PSMD6: variants seen among roughly 807,000 people sequenced by gnomAD.
PSMD6 encodes the protein proteasome 26S subunit, non-ATPase 6.
Under a neutral mutation model 44.9 loss-of-function variants are expected in PSMD6, and 7 were observed. The observed-to-expected ratio is 0.16, with a 90% CI of 0.09 to 0.29. The LOEUF (loss-of-function observed/expected upper bound fraction) is 0.29. Ranked by LOEUF, PSMD6 falls within the 10% of genes least tolerant of loss-of-function variation. PSMD6 has a pLI of 1.00. For missense variants in PSMD6, 420 were observed against 482.6 expected (o/e 0.87, Z 1.21); for synonymous variants, 184 against 172.7 (o/e 1.07, Z -0.51).
At position 64,023,392 on chromosome 3, in the gene PSMD6, C is replaced by T; in HGVS notation, c.28G>A (p.Gly10Ser). The change falls in exon 1 of 8, where the codon GGT becomes AGT. Residue 10 changes from glycine (G) to serine (S), a missense_variant. Coordinates refer to ENST00000295901, the MANE Select transcript of PSMD6 (RefSeq NM_014814.3). Reference sequence around the variant, plus strand: ...CGCAAGTCGGGGTTCTTGGGCAGACCCTCCTCCTCCAGGTTCTCCAGCGGC... The same window carrying T: ...CGCAAGTCGGGGTTCTTGGGCAGACTCTCCTCCTCCAGGTTCTCCAGCGGC... MPLENLEEE[G>S]LPKNPDLRIA... The T allele has an allele frequency of 6.2e-7, 1 of 1,608,148 alleles. No homozygotes were observed. The highest frequency in any genetic ancestry group is 8.5e-7 in the Non-Finnish European group (1 of 1,176,338).
At chr3:64,019,641 G>A in intron 2 of PSMD6, 200 bp from the exon 3 acceptor site, 1 of 480,926 alleles carries the variant, frequency 2.1e-6, no homozygotes, top group Non-Finnish European at 3.5e-6. Flanking sequence ...CCTGTATAAA[G>A]TTTAAAAAAT....
intron 6 of PSMD6, chr3:64,011,285 C>G (rs2075942274): frequency 5.3e-6 from 1 of 188,688 alleles, no homozygotes; most frequent in Admixed American, 6.0e-5. Flanking sequence ...AAACAAAAGA[C>G]CTAAAACAAA....
intron 6 of PSMD6, chr3:64,012,788 C>G (rs2075981238): frequency 6.6e-6 from 1 of 152,266 alleles, no homozygotes; most frequent in African/African-American, 2.4e-5. Context: ...AATCTCAGAG[C>G]AAACCTCACC....
rs1390719178 is a variant in PSMD6, at chr3:64,019,410, T to C, written c.383A>G (p.Tyr128Cys). The C allele has an allele frequency of 1.9e-6, 3 of 1,613,476 alleles. No homozygotes were observed. The highest frequency in any genetic ancestry group is 1.7e-5 in the Admixed American group (1 of 59,876). Reference protein sequence around the residue: ...EGALTAFRKTYDKTVALGHRL... With the variant: ...EGALTAFRKTCDKTVALGHRL... Reference sequence around the variant, plus strand: ...GTGACCCAGGGCCACAGTTTTGTCATATGTCTTGCGAAAGGCTGTCAGAGC... The same window carrying C: ...GTGACCCAGGGCCACAGTTTTGTCACATGTCTTGCGAAAGGCTGTCAGAGC... The change falls in exon 3 of 8, where the codon TAT (tyrosine) becomes TGT (cysteine). Residue 128 changes from tyrosine to cysteine, a missense_variant. Physicochemically the swap from Tyr to Cys is radical, Grantham distance 194. Transcript: ENST00000295901.
At chr3:64,024,002 C>A (rs1327959969), upstream of PSMD6, 3 of 466,260 alleles carry the variant, frequency 6.4e-6, no homozygotes, top group African/African-American at 6.0e-5. Flanking sequence ...AATCCACATT[C>A]TTTCTGCGGT....
Position 64,018,941 on chromosome 3 carries a change from A to G in PSMD6, c.594T>C (p.Ala198=). The change falls in exon 4 of 8, where the codon GCT becomes GCC. Residue 198 remains alanine (A), a synonymous_variant. Coordinates refer to ENST00000295901, the MANE Select transcript of PSMD6 (RefSeq NM_014814.3). The part of the protein sequence containing the change: ...CVAIRDFKQA[A]ELFLDTVSTF... ...TTGAAACAGTGTCAAGGAAGAGTTC[A>G]GCTGCCTGTTTGAAATCACGAATAG... 6.2e-7 allele frequency: 1 copy of G among 1,609,246 alleles called. No individual in the cohort carries two copies. Among genetic ancestry groups the G allele is most frequent in the Non-Finnish European group, 8.5e-7 (1 of 1,175,592 alleles).
intron 5 of PSMD6, chr3:64,017,779 T>C (rs1434126476): frequency 6.6e-6 from 1 of 152,230 alleles, no homozygotes; most frequent in Non-Finnish European, 1.5e-5. Flanking sequence ...GAACCGTCCA[T>C]TCCCACTTTT....
At chr3:64,013,869 G>A (rs1559674156) in intron 5 of PSMD6, 1 of 319,914 alleles carries the variant, frequency 3.1e-6, no homozygotes, top group Non-Finnish European at 5.7e-6. Context: ...CTTGTTCATA[G>A]ATGACAAAGT....
intron 2 of PSMD6, 161 bp from the exon 3 acceptor site, chr3:64,019,602 C>T (rs2076098734): frequency 1.6e-6 from 1 of 644,582 alleles, no homozygotes; most frequent in Admixed American, 3.7e-5. Flanking sequence ...GTGATAAGTA[C>T]ACAAGGGTTT....
chr3:64,020,888 C>T (rs947086838), intron 2 of PSMD6, among the ~76,000 whole-genome samples: 1 of 152,088 alleles, frequency 6.6e-6, no homozygotes, highest in African/African-American at 2.4e-5. Flanking sequence ...TCATTCTATA[C>T]CTAAATACTT....
chr3:64,017,372 CTG>C (rs1214141864), intron 5 of PSMD6: 2 of 151,976 alleles, frequency 1.3e-5, no homozygotes, highest in African/African-American at 2.4e-5. Context: ...TTTGTTCTGA[CTG>C]AGGGAAGCAA....
intron 5 of PSMD6, chr3:64,014,083 G>A (rs1301779242): frequency 6.6e-6 from 1 of 152,452 alleles, no homozygotes; most frequent in Non-Finnish European, 1.5e-5. Flanking sequence ...CCTATTGCCT[G>A]TTTATTTGTT....
At chr3:64,013,349 C>A in intron 6 of PSMD6, 90 bp downstream of exon 6, 1 of 1,297,482 alleles carries the variant, frequency 7.7e-7, no homozygotes, top group South Asian at 1.6e-5. Context: ...ATTGAGGGAA[C>A]CAATGTAAAC....
intron 6 of PSMD6, chr3:64,011,226 G>A (rs2075940297): frequency 3.5e-6 from 1 of 285,326 alleles, no homozygotes; most frequent in Non-Finnish European, 6.4e-6. Flanking sequence ...AAAAACTGTA[G>A]GTTAGGAAAA....
intron 7 of PSMD6, 53 bp from the exon 8 acceptor site, chr3:64,010,817 G>A: frequency 6.4e-7 from 1 of 1,571,582 alleles, no homozygotes; most frequent in Non-Finnish European, 8.7e-7. Flanking sequence ...ATTATTCCAT[G>A]ACAATAGTTG....
intron 7 of PSMD6, 27 bp downstream of exon 7, chr3:64,010,851 G>A: frequency 1.9e-6 from 3 of 1,582,504 alleles, no homozygotes; most frequent in African/African-American, 1.4e-5. Flanking sequence ...ATTTAGGAAT[G>A]CCCCTTATTC....
intron 6 of PSMD6, 56 bp from the exon 7 acceptor site, chr3:64,011,011 T>C: frequency 7.2e-7 from 1 of 1,387,066 alleles, no homozygotes; most frequent in Non-Finnish European, 9.9e-7. Context: ...CTTAGAAAAA[T>C]GCAAACGGCA....
In PSMD6 at chr3:64,010,572, T is replaced by TTTA; in HGVS notation, c.*93_*95dup. 1.2e-6 allele frequency: 1 copy of TTTA among 867,504 alleles called. No individual in the cohort carries two copies. Among genetic ancestry groups the TTTA allele is most frequent in the Non-Finnish European group, 1.7e-6 (1 of 577,032 alleles). The allele number at this position is 867,504 out of a possible 1,614,324, so 53.7% of individuals were successfully genotyped here. On this transcript the variant is annotated 3_prime_UTR_variant, in exon 8 of 8. Coordinates refer to ENST00000295901, the MANE Select transcript of PSMD6 (RefSeq NM_014814.3). ...AATGGAAAGAAACAACAATGCAGTA[T>TTTA]TTATTTTATACAGCTGACCTGGGCA...
Position 64,019,562 on chromosome 3 carries a change from T to A in PSMD6, c.352-121A>T, listed in dbSNP as rs1156928513. ...AGGTAGGAGTAGAAGTACAACAAGA[T>A]GGCCATTAACTGTTAATTGTTGAAG... On this transcript the variant is annotated intron_variant, in intron 2 of 7. Transcript: ENST00000295901. 2.9e-6 allele frequency: 3 copies of A among 1,040,036 alleles called. No individual in the cohort carries two copies. In the African/African-American group the frequency reaches 4.9e-5, roughly 17 times the overall value. The allele number at this position is 1,040,036 out of a possible 1,614,324, so 64.4% of individuals were successfully genotyped here.
Sources: gnomAD v4.1 joint callset for allele counts (sites outside exome capture counted in the v4.1 genomes callset) on GRCh38, gnomAD v4.1.1 for gene constraint, MANE v1.5 for transcripts, NCBI Gene and HGNC (gene_info 2026-07-23, HGNC 2026-07-21) for gene names.